CA10: variants seen among roughly 807,000 people sequenced by gnomAD.
CA10 encodes carbonic anhydrase 10 (inactive), also known as carbonic anhydrase-related protein 10.
A neutral mutation model predicts 44.2 loss-of-function variants in CA10; 14 were observed. The observed-to-expected ratio is 0.32, with a 90% CI of 0.21 to 0.50. The LOEUF is 0.50. Ranked by LOEUF, CA10 falls within the 20% of genes least tolerant of loss-of-function variation. The pLI is 0.99. For synonymous variants in CA10, 159 were observed against 141.6 expected, an observed-to-expected ratio of 1.12 and a Z score of -0.87; for missense variants, 350 against 409.7, an observed-to-expected ratio of 0.85 and a Z score of 1.26.
chr17:51,752,031 G>A (rs889019835), intron 3 of CA10, among the ~76,000 whole-genome samples: 6 of 151,956 alleles, frequency 3.9e-5, no homozygotes, highest in African/African-American at 7.3e-5. Context: ...CAAAGTTATG[G>A]GCAATCCATA....
chr17:52,038,704 T>G (rs111523975), intron 2 of CA10, among the ~76,000 whole-genome samples: 1 of 152,168 alleles, frequency 6.6e-6, no homozygotes, highest in African/African-American at 2.4e-5. Context: ...GCAGGCATTT[T>G]GCAAAACTGG....
intron 1 of CA10, among the ~76,000 whole-genome samples, chr17:52,118,354 T>A (rs1301503388): frequency 3.3e-5 from 5 of 152,208 alleles, no homozygotes; most frequent in African/African-American, 1.2e-4. Context: ...TCCCTGTTAA[T>A]GAGTAAAGAT....
At chr17:51,812,209 C>T (rs1567847822) in intron 3 of CA10, among the ~76,000 whole-genome samples, 1 of 152,188 alleles carries the variant, frequency 6.6e-6, no homozygotes, top group Non-Finnish European at 1.5e-5. Flanking sequence ...CCTAGCACTA[C>T]TACAAATTAA....
intron 2 of CA10, among the ~76,000 whole-genome samples, chr17:52,004,560 C>A (rs973046870): frequency 6.6e-6 from 1 of 151,894 alleles, no homozygotes; most frequent in Non-Finnish European, 1.5e-5. Flanking sequence ...AGCCATTCTA[C>A]GCCTTAGACA....
intron 4 of CA10, among the ~76,000 whole-genome samples, chr17:51,699,323 CAA>C (rs35215515): frequency 1.0e-4 from 13 of 128,816 alleles, no homozygotes; most frequent in African/African-American, 3.3e-4. Flanking sequence ...AACTCCATCT[CAA>C]AAAAAAAAAA....
At chr17:52,149,442 TC>T in intron 1 of CA10, among the ~76,000 whole-genome samples, 1 of 152,316 alleles carries the variant, frequency 6.6e-6, no homozygotes, top group Admixed American at 6.5e-5. Context: ...ACACTGGCTA[TC>T]CCGTTACCAG....
chr17:51,689,123 C>T (rs1388610146), intron 4 of CA10, among the ~76,000 whole-genome samples: 4 of 152,194 alleles, frequency 2.6e-5, no homozygotes, highest in African/African-American at 7.2e-5. Flanking sequence ...ACCCTATGGA[C>T]AGAGACCTTG....
intron 3 of CA10, among the ~76,000 whole-genome samples, chr17:51,892,335 C>T (rs770789525): frequency 1.3e-5 from 2 of 152,138 alleles, no homozygotes; most frequent in Non-Finnish European, 2.9e-5. Flanking sequence ...AACAACAATG[C>T]TAGGAAGCCA....
At chr17:51,936,054 A>G (rs1598126877) in intron 2 of CA10, among the ~76,000 whole-genome samples, 1 of 152,172 alleles carries the variant, frequency 6.6e-6, no homozygotes, top group Non-Finnish European at 1.5e-5. Context: ...AAGTTTATAC[A>G]GCTTATGTGA....
At chr17:51,740,207 A>T (rs1246783496) in intron 4 of CA10, among the ~76,000 whole-genome samples, 2 of 152,144 alleles carry the variant, frequency 1.3e-5, no homozygotes, top group African/African-American at 4.8e-5. Context: ...TGTGCCCATT[A>T]TGTGTATGGG....
At chr17:51,893,963 A>G (rs928924550) in intron 3 of CA10, among the ~76,000 whole-genome samples, 1 of 152,174 alleles carries the variant, frequency 6.6e-6, no homozygotes, top group African/African-American at 2.4e-5. Flanking sequence ...AGAATTCAAG[A>G]TAGTTGACTA....
intron 3 of CA10, among the ~76,000 whole-genome samples, chr17:51,791,492 G>A (rs1355395841): frequency 1.3e-5 from 2 of 152,182 alleles, no homozygotes; most frequent in East Asian, 3.9e-4. Flanking sequence ...CCTTGCAAGT[G>A]CTAGACTTGG....
At chr17:51,983,823 A>T (rs959963435) in intron 2 of CA10, among the ~76,000 whole-genome samples, 1 of 151,794 alleles carries the variant, frequency 6.6e-6, no homozygotes, top group Non-Finnish European at 1.5e-5. Flanking sequence ...TAAAATTTTT[A>T]AAATCCTATG....
At chr17:51,886,283 A>G (rs1046354970) in intron 3 of CA10, among the ~76,000 whole-genome samples, 6 of 152,230 alleles carry the variant, frequency 3.9e-5, no homozygotes, top group African/African-American at 1.4e-4. Flanking sequence ...CCTTCCAACT[A>G]TAAAAACTTC....
At chr17:52,081,096 G>C (rs894265328) in intron 1 of CA10, among the ~76,000 whole-genome samples, 3 of 152,054 alleles carry the variant, frequency 2.0e-5, no homozygotes, top group African/African-American at 7.2e-5. Flanking sequence ...TACATTCTCC[G>C]GGAGGGAGAC....
At chr17:52,142,790 G>T (rs1177653296) in intron 1 of CA10, among the ~76,000 whole-genome samples, 1 of 152,028 alleles carries the variant, frequency 6.6e-6, no homozygotes, top group African/African-American at 2.4e-5. Context: ...AGCTGATGGG[G>T]TTATTTTTAT....
At chr17:51,841,274 G>A (rs1272093818) in intron 3 of CA10, among the ~76,000 whole-genome samples, 3 of 152,156 alleles carry the variant, frequency 2.0e-5, no homozygotes, top group Admixed American at 6.5e-5. Flanking sequence ...GTGACTGTGT[G>A]TAGATACATA....
rs1842289320 is a variant in CA10 at position 51,631,273 on chromosome 17, T to C, written c.*311A>G. The C allele has an allele frequency of 2.9e-6, 1 of 340,540 alleles. No homozygotes were observed. Among genetic ancestry groups the C allele is most frequent in the Admixed American group, 4.5e-5 (1 of 22,104 alleles). The allele number at this position is 340,540 out of a possible 1,614,324, so 21.1% of individuals were successfully genotyped here. ...GGTTATTTTCTTCTAAGACCTCTTA[T>C]GAATGAGACTTTTGTTTCTGAAACT... On this transcript the variant is annotated 3_prime_UTR_variant, in exon 9 of 9. Transcript: ENST00000451037.
Position 51,717,827 on chromosome 17 carries a change from G to A in CA10, c.465+29806C>T, listed in dbSNP as rs369410177. 4.5e-3 allele frequency among the ~76,000 whole-genome samples: 46 copies of A among 10,336 alleles called. 2 individuals carry two copies. The highest frequency in any genetic ancestry group is 0.014 in the African/African-American group (40 of 2,866). The allele number at this position is 10,336 out of a possible 152,430, so 6.8% of individuals were successfully genotyped here. A position where few individuals can be genotyped will look rare whatever the true frequency, so the allele number is the denominator to read the frequency against. On this transcript the variant is annotated intron_variant, in intron 4 of 8. Transcript: ENST00000451037. ...TATATATACACGTATATATATGTGT[G>A]TGTATATATATATATATATATATAT...
Sources: allele counts gnomAD v4.1 joint callset (sites outside exome capture counted in the v4.1 genomes callset), GRCh38; gene constraint gnomAD v4.1.1; transcripts MANE v1.5; gene names NCBI Gene and HGNC (gene_info 2026-07-23, HGNC 2026-07-21).